The following NCOA1 variants were observed in gnomAD, a reference collection of about 807,000 sequenced individuals.
NCOA1 encodes Hin-2 protein.
In NCOA1, 35 loss-of-function variants were observed where a neutral mutation model predicts 150.9. The ratio of observed to expected loss-of-function variants is 0.23; its 90% CI spans 0.18 to 0.31. The LOEUF (loss-of-function observed/expected upper bound fraction) is 0.31. NCOA1 is among the 10% of genes least tolerant of loss of function. NCOA1 has a pLI of 1.00. For synonymous variants in NCOA1, 590 were observed against 630.0 expected (o/e 0.94, Z 0.95); for missense variants, 1,491 against 1,749.3 (o/e 0.85, Z 2.63).
At chr2:24,730,963 G>A (rs1197862016) in intron 17 of NCOA1, among the ~76,000 whole-genome samples, 3 of 149,820 alleles carry the variant, frequency 2.0e-5, no homozygotes, top group Non-Finnish European at 4.4e-5. Flanking sequence ...ACTTGAACCC[G>A]GGAGGTGGAG....
chr2:24,516,642 AT>A (rs774423179), intron 1 of NCOA1, among the ~76,000 whole-genome samples: 1 of 151,552 alleles, frequency 6.6e-6, no homozygotes, highest in Non-Finnish European at 1.5e-5. Flanking sequence ...CAGATTAAGA[AT>A]TTTTTTAACT....
chr2:24,512,095 T>C (rs1663959294), intron 1 of NCOA1, among the ~76,000 whole-genome samples: 1 of 152,220 alleles, frequency 6.6e-6, no homozygotes, highest in Non-Finnish European at 1.5e-5. Flanking sequence ...TATCGTAGAA[T>C]GTGAAAGTTA....
intron 1 of NCOA1, among the ~76,000 whole-genome samples, chr2:24,495,771 CTT>C (rs1287862179): frequency 2.0e-5 from 3 of 152,168 alleles, no homozygotes; most frequent in Non-Finnish European, 4.4e-5. Flanking sequence ...CTTCCAGATA[CTT>C]AGGTTGATGT....
At position 24,714,517 on chromosome 2, in the gene NCOA1, T is replaced by G. The variant is rs1381703076; in HGVS notation, c.2599+3406T>G. 2.6e-5 allele frequency among the ~76,000 whole-genome samples: 4 copies of G among 151,270 alleles called. No homozygotes were observed. The East Asian group carries it at 5.8e-4, about 22-fold the overall frequency. The stretch of plus-strand genomic sequence containing the variant: ...TAAACTACAAAAAAAAAGAGCCAAA[T>G]AGAGCTGGTAGAGCTGAAAAATACA... On this transcript the variant is annotated intron_variant, in intron 14 of 22. Coordinates refer to ENST00000348332, the MANE Select transcript of NCOA1 (RefSeq NM_003743.5).
rs1020115650 is a variant in NCOA1 at position 24,535,863 on chromosome 2, C to T, written c.-395-28432C>T. ...TCCCTTTGTGGGTAGCCCGACCTTT[C>T]TCTTTGACTGCCCTTAACACTTTTT... On this transcript the variant is annotated intron_variant, in intron 1 of 22. Coordinates refer to ENST00000348332, the MANE Select transcript of NCOA1 (RefSeq NM_003743.5). Among the ~76,000 whole-genome samples, 6 of 152,164 alleles carry T rather than the reference C, an allele frequency of 3.9e-5. No individual in the cohort carries two copies. The East Asian group carries it at 7.7e-4, about 20-fold the overall frequency.
chr2:24,647,196 G>A (rs190666463), intron 4 of NCOA1, among the ~76,000 whole-genome samples: 75 of 152,200 alleles, frequency 4.9e-4, no homozygotes, highest in Middle Eastern at 6.8e-3. Context: ...GAAATATTTT[G>A]ATGTGGAGGC....
intron 1 of NCOA1, among the ~76,000 whole-genome samples, chr2:24,563,173 A>G (rs1009551542): frequency 5.9e-5 from 9 of 152,220 alleles, no homozygotes; most frequent in African/African-American, 1.4e-4. Context: ...TTTTACTTAC[A>G]TAAGAGGGAT....
At chr2:24,730,165 GTA>G (rs1234029955) in intron 17 of NCOA1, among the ~76,000 whole-genome samples, 1 of 152,100 alleles carries the variant, frequency 6.6e-6, no homozygotes, top group Non-Finnish European at 1.5e-5. Flanking sequence ...CTTTTTAAAG[GTA>G]TATACCAAAT....
intron 5 of NCOA1, chr2:24,659,091 C>A: frequency 4.6e-6 from 1 of 219,526 alleles, no homozygotes; most frequent in African/African-American, 2.2e-5. Flanking sequence ...GTTTTTATAG[C>A]CATGATCCAT....
At chr2:24,518,526 C>T (rs1030276938) in intron 1 of NCOA1, among the ~76,000 whole-genome samples, 2 of 151,830 alleles carry the variant, frequency 1.3e-5, no homozygotes, top group Non-Finnish European at 2.9e-5. Context: ...TAAAAGGCAT[C>T]CAGATTGGCA....
chr2:24,741,228 A>T (rs529739338), intron 18 of NCOA1, among the ~76,000 whole-genome samples: 1 of 152,040 alleles, frequency 6.6e-6, no homozygotes, highest in African/African-American at 2.4e-5. Flanking sequence ...GTATAATGAA[A>T]ATTAAAATCA....
Position 24,707,020 on chromosome 2 carries a change from C to T in NCOA1, c.1550C>T (p.Ser517Phe). ...SFPPNISTLS[S>F]PVGMTSSACN... ...CCTCCTAATATTTCGACATTAAGCT[C>T]TCCCGTTGGCATGACAAGTAGTGCC... Residue 517 changes from serine (S) to phenylalanine (F), a missense_variant, in exon 13 of 23, where the codon TCT becomes TTT. By Grantham distance (155) the Ser-to-Phe change is radical (BLOSUM62 -2). Coordinates refer to ENST00000348332, the MANE Select transcript of NCOA1 (RefSeq NM_003743.5). 1 of 1,614,170 alleles carries T rather than the reference C, an allele frequency of 6.2e-7. No homozygotes were observed. The highest frequency in any genetic ancestry group is 8.5e-7 in the Non-Finnish European group (1 of 1,180,022).
At chr2:24,536,475 C>T (rs1665148038) in intron 1 of NCOA1, among the ~76,000 whole-genome samples, 1 of 152,180 alleles carries the variant, frequency 6.6e-6, no homozygotes, top group Non-Finnish European at 1.5e-5. Context: ...AGTCATTCTC[C>T]ATCCAGCTCT....
chr2:24,762,813 G>A (rs1664852230), intron 22 of NCOA1, 37 bp downstream of exon 22: 3 of 1,554,788 alleles, frequency 1.9e-6, no homozygotes. Context: ...GCTGTCAAAT[G>A]TACTCTAGAT....
chr2:24,521,176 T>C (rs1664402241), intron 1 of NCOA1, among the ~76,000 whole-genome samples: 1 of 152,198 alleles, frequency 6.6e-6, no homozygotes, highest in Non-Finnish European at 1.5e-5. Flanking sequence ...TACAACATGG[T>C]ATTTTGATAT....
chr2:24,724,156 A>G (rs897967115), intron 14 of NCOA1, among the ~76,000 whole-genome samples: 1 of 152,008 alleles, frequency 6.6e-6, no homozygotes, highest in Non-Finnish European at 1.5e-5. Context: ...AAATGGAGGA[A>G]GTATGATGTT....
intron 3 of NCOA1, among the ~76,000 whole-genome samples, chr2:24,630,199 C>G (rs1015693383): frequency 6.6e-6 from 1 of 152,056 alleles, no homozygotes; most frequent in Admixed American, 6.6e-5. Context: ...CAAGTGTTAT[C>G]CCACTTTTTG....
At chr2:24,635,613 C>T (rs1340708729) in intron 3 of NCOA1, among the ~76,000 whole-genome samples, 1 of 152,008 alleles carries the variant, frequency 6.6e-6, no homozygotes, top group Non-Finnish European at 1.5e-5. Context: ...AAGAGAGAAC[C>T]TAGGTTTGTG....
intron 14 of NCOA1, among the ~76,000 whole-genome samples, chr2:24,720,487 G>A (rs1264390765): frequency 6.6e-6 from 1 of 152,180 alleles, no homozygotes; most frequent in East Asian, 1.9e-4. Flanking sequence ...GTGAAAGTAT[G>A]TAAATAGGCC....
Sources: allele counts gnomAD v4.1 joint callset (sites outside exome capture counted in the v4.1 genomes callset), GRCh38; gene constraint gnomAD v4.1.1; transcripts MANE v1.5; gene names NCBI Gene and HGNC (gene_info 2026-07-23, HGNC 2026-07-21).